The following RNF4 variants were observed in gnomAD, a reference collection of about 807,000 sequenced individuals.
RNF4 encodes the protein ring finger protein 4.
A neutral mutation model predicts 24.3 loss-of-function variants in RNF4; 7 were observed. The observed-to-expected ratio is 0.29, with a 90% CI of 0.16 to 0.54. RNF4 has a LOEUF of 0.54. Among genes scored for constraint, RNF4 ranks in the 20% least tolerant of loss-of-function variants. RNF4 has a pLI of 0.95. For missense variants in RNF4, 209 were observed against 248.5 expected (o/e 0.84, Z 1.07); for synonymous variants, 83 against 84.3 (o/e 0.98, Z 0.09).
intron 1 of RNF4, among the ~76,000 whole-genome samples, chr4:2,477,361 C>T (rs998995889): frequency 1.1e-4 from 16 of 151,882 alleles, no homozygotes; most frequent in Non-Finnish European, 2.2e-4. Context: ...CCAAGGCGGG[C>T]GGATCACGAG....
intron 1 of RNF4, among the ~76,000 whole-genome samples, chr4:2,471,462 A>G (rs2108745784): frequency 7.2e-6 from 1 of 138,674 alleles, no homozygotes; most frequent in South Asian, 2.9e-4. Context: ...AAATTAGGCC[A>G]GTCAGTGACC....
intron 4 of RNF4, among the ~76,000 whole-genome samples, chr4:2,501,259 G>A (rs550961307): frequency 2.0e-5 from 3 of 152,382 alleles, no homozygotes; most frequent in South Asian, 2.1e-4. Context: ...CAGTCACTGT[G>A]AGTGTATGCC....
intron 3 of RNF4, among the ~76,000 whole-genome samples, chr4:2,499,104 G>A (rs1735832421): frequency 6.6e-6 from 1 of 151,872 alleles, no homozygotes; most frequent in African/African-American, 2.4e-5. Flanking sequence ...GGTTGATGCA[G>A]GAGAATCACT....
chr4:2,496,962 A>G, intron 2 of RNF4, 45 bp from the exon 3 acceptor site: 1 of 1,420,788 alleles, frequency 7.0e-7, no homozygotes, highest in Non-Finnish European at 9.7e-7. Flanking sequence ...TGAAACCCTG[A>G]CATTCTGGTG....
At chr4:2,503,660 T>G (rs1195091799) in intron 4 of RNF4, among the ~76,000 whole-genome samples, 1 of 152,212 alleles carries the variant, frequency 6.6e-6, no homozygotes. Flanking sequence ...GAATTCTGCC[T>G]CTGAGCAGAT....
At chr4:2,510,117 C>T (rs1736230289) in intron 4 of RNF4, among the ~76,000 whole-genome samples, 1 of 152,176 alleles carries the variant, frequency 6.6e-6, no homozygotes, top group South Asian at 2.1e-4. Flanking sequence ...AGTGGCTCCA[C>T]GTATGTGGAT....
At chr4:2,475,778 T>G (rs1032806789) in intron 1 of RNF4, among the ~76,000 whole-genome samples, 3 of 152,220 alleles carry the variant, frequency 2.0e-5, no homozygotes, top group African/African-American at 4.8e-5. Context: ...AACCACTCTA[T>G]AAGATAGTTG....
Position 2,490,545 on chromosome 4 carries a change from A to G in RNF4, c.9+43A>G, listed in dbSNP as rs537745170. On this transcript the variant is annotated intron_variant, in intron 2 of 7. Coordinates refer to ENST00000314289, the MANE Select transcript of RNF4 (RefSeq NM_002938.5). ...TTGAATTTTTAATTTTGTAGGGCTA[A>G]TTAACTACCTTATTCCTTGTAGCAC... 94 of 1,588,664 alleles carry G rather than the reference A, an allele frequency of 5.9e-5. No individual in the cohort carries two copies. The Middle Eastern group carries it at 2.0e-3, about 34-fold the overall frequency.
intron 4 of RNF4, among the ~76,000 whole-genome samples, chr4:2,510,301 T>C (rs943563077): frequency 4.6e-5 from 7 of 152,082 alleles, no homozygotes; most frequent in African/African-American, 1.7e-4. Context: ...CTGGGCTGGG[T>C]CTCCAGGAAT....
intron 1 of RNF4, among the ~76,000 whole-genome samples, chr4:2,486,681 A>G (rs1387018242): frequency 6.6e-6 from 1 of 152,160 alleles, no homozygotes; most frequent in Non-Finnish European, 1.5e-5. Flanking sequence ...AGGCCAGGAC[A>G]GCCACAAGGC....
At chr4:2,482,469 C>T (rs1285443567) in intron 1 of RNF4, among the ~76,000 whole-genome samples, 4 of 152,210 alleles carry the variant, frequency 2.6e-5, no homozygotes, top group Admixed American at 6.5e-5. Context: ...ATCTGCCCCT[C>T]GGCCTCCGGA....
intron 1 of RNF4, among the ~76,000 whole-genome samples, chr4:2,476,708 T>C (rs1231624289): frequency 3.6e-4 from 53 of 148,400 alleles, no homozygotes; most frequent in South Asian, 4.2e-4. Flanking sequence ...TTCTTTCTTT[T>C]TTTTTTTTTT....
chr4:2,483,640 C>T (rs2108755477), intron 1 of RNF4, among the ~76,000 whole-genome samples: 1 of 152,038 alleles, frequency 6.6e-6, no homozygotes, highest in Non-Finnish European at 1.5e-5. Context: ...CCCATCTCTA[C>T]TAAAAATACA....
chr4:2,513,129 G>C lies in RNF4; in HGVS notation c.421G>C (p.Glu141Gln). 1 of 1,613,700 alleles carries C rather than the reference G, an allele frequency of 6.2e-7. No homozygotes were observed. Among genetic ancestry groups the C allele is most frequent in the Non-Finnish European group, 8.5e-7 (1 of 1,179,654 alleles). ...TCCCATCTGCATGGACGGATACTCA[G>C]AGGTAAGTAAACCAAGCTGTATCTT... ...SCPICMDGYS[E>Q]IVQNGRLIVS... Residue 141 changes from glutamate to glutamine, a missense_variant and splice_region_variant, in exon 7 of 8, where the codon GAG becomes CAG. This residue lies in a region of RNF4 where 182 missense variants were observed against 197.2 expected (regional missense o/e 0.92). Coordinates refer to ENST00000314289, the MANE Select transcript of RNF4 (RefSeq NM_002938.5).
intron 7 of RNF4, 113 bp from the exon 8 acceptor site, chr4:2,513,557 C>A: frequency 7.8e-7 from 1 of 1,284,930 alleles, no homozygotes; most frequent in Non-Finnish European, 1.1e-6. Context: ...GTAGCCTGGC[C>A]CTTGCTTTCC....
At chr4:2,482,651 C>T (rs996505825) in intron 1 of RNF4, among the ~76,000 whole-genome samples, 1 of 152,190 alleles carries the variant, frequency 6.6e-6, no homozygotes, top group African/African-American at 2.4e-5. Flanking sequence ...TTGCTGGTGG[C>T]AGCTTAATCG....
chr4:2,483,826 T>C (rs1185081987), intron 1 of RNF4, among the ~76,000 whole-genome samples: 1 of 151,962 alleles, frequency 6.6e-6, no homozygotes, highest in Non-Finnish European at 1.5e-5. Context: ...TTTGTTTTTA[T>C]TGATTTTTAT....
intron 2 of RNF4, chr4:2,494,874 A>G (rs1452308543): frequency 6.6e-6 from 1 of 152,214 alleles, no homozygotes; most frequent in Non-Finnish European, 1.5e-5. Flanking sequence ...TATAAAGTAC[A>G]TTGATTTCTT....
intron 4 of RNF4, among the ~76,000 whole-genome samples, chr4:2,504,726 A>ATTTTTTTTTTTTTTT (rs1182588172): frequency 4.9e-5 from 3 of 61,126 alleles, no homozygotes; most frequent in East Asian, 4.6e-4. Flanking sequence ...CATTTTTTGT[A>ATTTTTTTTTTTTTTT]TTTTTTTTTT....
Sources: gnomAD v4.1 joint callset for allele counts (sites outside exome capture counted in the v4.1 genomes callset) on GRCh38, gnomAD v4.1.1 for gene constraint, gnomAD v4.1.1 regional missense constraint, MANE v1.5 for transcripts, NCBI Gene and HGNC (gene_info 2026-07-23, HGNC 2026-07-21) for gene names.